PIKFYVE: variants seen among roughly 807,000 people sequenced by gnomAD.
PIKFYVE encodes 1-phosphatidylinositol 3-phosphate 5-kinase.
Under a neutral mutation model 257.9 loss-of-function variants are expected in PIKFYVE, and 122 were observed. The ratio of observed to expected loss-of-function variants is 0.47; its 90% CI spans 0.41 to 0.55. The LOEUF (loss-of-function observed/expected upper bound fraction) is 0.55. PIKFYVE is among the 20% of genes least tolerant of loss of function. The pLI, the probability that PIKFYVE is intolerant of heterozygous loss-of-function variation, is 0.00. For synonymous variants in PIKFYVE, 892 were observed against 868.9 expected, an observed-to-expected ratio of 1.03 and a Z score of -0.47; for missense variants, 2,160 against 2,536.6, an observed-to-expected ratio of 0.85 and a Z score of 3.19.
In PIKFYVE at chr2:208,356,872, A is replaced by G. The variant is rs1394407555; in HGVS notation, c.*1567A>G. ...CACTGTTTTTGGACTGCCTATAATA[A>G]TAGCACATTAACCTTCACATAATAA... On this transcript the variant is annotated 3_prime_UTR_variant, in exon 42 of 42. Transcript: ENST00000264380. The G allele has an allele frequency of 6.5e-6, 1 of 152,672 alleles. No individual in the cohort carries two copies. The highest frequency in any genetic ancestry group is 1.5e-5 in the Non-Finnish European group (1 of 68,046). The allele number at this position is 152,672 out of a possible 1,614,324, so 9.5% of individuals were successfully genotyped here.
Position 208,325,508 on chromosome 2 carries a change from G to C in PIKFYVE, c.2697G>C (p.Glu899Asp). The change falls in exon 20 of 42, where the codon GAG becomes GAC. Residue 899 changes from glutamate to aspartate, a missense_variant. This residue lies in a region of PIKFYVE where 522 missense variants were observed against 514.6 expected (regional missense o/e 1.01). Transcript: ENST00000264380. ...FHSLIEGRGH[E>D]GAVQEQYGGG... ...CCCTGATTGAGGGACGAGGGCATGAGGGGGCTGTCCAAGAGCAGTACGGTG... is the reference window on the plus strand; with the variant it reads ...CCCTGATTGAGGGACGAGGGCATGACGGGGCTGTCCAAGAGCAGTACGGTG... 6.2e-7 allele frequency: 1 copy of C among 1,614,190 alleles called. No homozygotes were observed. Among genetic ancestry groups the C allele is most frequent in the Non-Finnish European group, 8.5e-7 (1 of 1,180,018 alleles).
At chr2:208,345,846 C>G (rs1699174963) in intron 33 of PIKFYVE, among the ~76,000 whole-genome samples, 1 of 152,074 alleles carries the variant, frequency 6.6e-6, no homozygotes, top group African/African-American at 2.4e-5. Flanking sequence ...TACAGCATTT[C>G]ACTTTAAGTC....
intron 36 of PIKFYVE, among the ~76,000 whole-genome samples, chr2:208,350,515 CT>C (rs773068355): frequency 1.4e-4 from 21 of 151,660 alleles, no homozygotes; most frequent in Non-Finnish European, 2.5e-4. Context: ...AGAACTGAGT[CT>C]TTTTTTTATG....
chr2:208,309,617 G>A (rs902288383), intron 12 of PIKFYVE, among the ~76,000 whole-genome samples: 4 of 152,164 alleles, frequency 2.6e-5, no homozygotes, highest in East Asian at 1.9e-4. Flanking sequence ...GAAAAAAGAC[G>A]TGGTGTTTCC....
chr2:208,326,400 A>T lies in PIKFYVE; in HGVS notation c.3589A>T (p.Ile1197Phe). The change falls in exon 20 of 42, where the codon ATT (isoleucine) becomes TTT (phenylalanine). Residue 1197 changes from isoleucine to phenylalanine, a missense_variant. By Grantham distance (21) the Ile-to-Phe change is conservative. Coordinates refer to ENST00000264380, the MANE Select transcript of PIKFYVE (RefSeq NM_015040.4). ...TGAGGGTGATGAAGAGAGAGGGCTT[A>T]TTCTGAGTGATGCTGTGTGGTCAAC... ...KNEGDEERGL[I>F]LSDAVWSTKV... 1 of 1,614,106 alleles carries T rather than the reference A, an allele frequency of 6.2e-7. No homozygotes were observed.
chr2:208,345,159 G>A lies in PIKFYVE; in HGVS notation c.5076G>A (p.Gln1692=). Residue 1692 remains glutamine, a synonymous_variant, in exon 33 of 42, where the codon CAG becomes CAA. Coordinates refer to ENST00000264380, the MANE Select transcript of PIKFYVE (RefSeq NM_015040.4). ...NALEELSKAT[Q]WNSAEEGLPT... Reference sequence around the variant, plus strand: ...TAGAGGAATTGTCTAAAGCGACTCAGTGGAACAGTGCCGAAGAAGGGCTTC... The same window carrying A: ...TAGAGGAATTGTCTAAAGCGACTCAATGGAACAGTGCCGAAGAAGGGCTTC... 2 of 1,613,004 alleles carry A rather than the reference G, an allele frequency of 1.2e-6. No individual in the cohort carries two copies. The highest frequency in any genetic ancestry group is 1.7e-6 in the Non-Finnish European group (2 of 1,179,098).
rs772548926 is a variant in PIKFYVE at position 208,315,351 on chromosome 2, G to A, written c.1985G>A (p.Arg662His). The change falls in exon 15 of 42, where the codon CGT becomes CAT. Residue 662 changes from arginine (R) to histidine (H), a missense_variant. This residue lies in a region of PIKFYVE where 346 missense variants were observed against 365.6 expected (regional missense o/e 0.95). Coordinates refer to ENST00000264380, the MANE Select transcript of PIKFYVE (RefSeq NM_015040.4). ...AACCAGGATGATGACATGGATATCCGTCAGTTTGTCCACATCAAAAAAGTG... is the reference window on the plus strand; with the variant it reads ...AACCAGGATGATGACATGGATATCCATCAGTTTGTCCACATCAAAAAAGTG... Reference protein sequence around the residue: ...VKNQDDDMDIRQFVHIKKIPG... With the variant: ...VKNQDDDMDIHQFVHIKKIPG... 12 of 1,613,992 alleles carry A rather than the reference G, an allele frequency of 7.4e-6. No homozygotes were observed. The highest frequency in any genetic ancestry group is 2.7e-5 in the African/African-American group (2 of 74,916).
Position 208,351,210 on chromosome 2 carries a change from T to C in PIKFYVE, c.5612-142T>C, listed in dbSNP as rs936228491. Reference sequence around the variant, plus strand: ...CTTCAGTTAATTGAGAATTGTGTTCTGATCAAAATTTTCACTGTGACATTA... The same window carrying C: ...CTTCAGTTAATTGAGAATTGTGTTCCGATCAAAATTTTCACTGTGACATTA... On this transcript the variant is annotated intron_variant, in intron 37 of 41. Transcript: ENST00000264380. 38 of 866,932 alleles carry C rather than the reference T, an allele frequency of 4.4e-5. No individual in the cohort carries two copies. The Admixed American group carries it at 4.8e-4, about 11-fold the overall frequency. 53.7% of individuals were successfully genotyped at this position (866,932 alleles called of 1,614,324 possible).
rs772580245 is a variant in PIKFYVE, at chr2:208,271,580, C to G, written c.61C>G (p.Pro21Ala). 33 of 1,614,008 alleles carry G rather than the reference C, an allele frequency of 2.0e-5. No homozygotes were observed. In the East Asian group the frequency reaches 7.1e-4, roughly 35 times the overall value. ...CTCTGCTAATGATTTGCCTCGATCT[C>G]CTACTAGTCCTTCTCATCTCACACA... is the stretch of plus-strand genomic sequence containing the variant. ...LDSANDLPRSPTSPSHLTHFK... is the reference protein window; with the variant it reads ...LDSANDLPRSATSPSHLTHFK... Residue 21 changes from proline (P) to alanine (A), a missense_variant, in exon 2 of 42, where the codon CCT becomes GCT. Transcript: ENST00000264380.
In PIKFYVE at chr2:208,339,164, G is replaced by A. The variant is rs530589143; in HGVS notation, c.4673-254G>A. ...TAGGCATTGTGGTATAATGGATAGC[G>A]TGTTGGATAGGAGTCAGTCTTGGTT... On this transcript the variant is annotated intron_variant, in intron 29 of 41. Transcript: ENST00000264380. 3.3e-5 allele frequency among the ~76,000 whole-genome samples: 5 copies of A among 152,300 alleles called. No homozygotes were observed. The South Asian group carries it at 1.0e-3, about 32-fold the overall frequency.
In PIKFYVE at chr2:208,355,405, C is replaced by A; in HGVS notation, c.*100C>A. On this transcript the variant is annotated 3_prime_UTR_variant, in exon 42 of 42. Coordinates refer to ENST00000264380, the MANE Select transcript of PIKFYVE (RefSeq NM_015040.4). Reference sequence around the variant, plus strand: ...TTTTATTTCTTCATCGTGTTCACCACTGTATGCCAAGGCTTTTCAGTTCTG... The same window carrying A: ...TTTTATTTCTTCATCGTGTTCACCAATGTATGCCAAGGCTTTTCAGTTCTG... The A allele has an allele frequency of 1.1e-6, 1 of 910,186 alleles. No individual in the cohort carries two copies. Among genetic ancestry groups the A allele is most frequent in the Non-Finnish European group, 1.7e-6 (1 of 571,478 alleles). 56.4% of individuals were successfully genotyped at this position (910,186 alleles called of 1,614,324 possible). A position where few individuals can be genotyped will look rare whatever the true frequency, so the allele number is the denominator to read the frequency against.
intron 16 of PIKFYVE, among the ~76,000 whole-genome samples, chr2:208,318,410 G>T (rs879433733): frequency 6.6e-6 from 1 of 152,128 alleles, no homozygotes; most frequent in Non-Finnish European, 1.5e-5. Context: ...ATAACCTGGG[G>T]TATTAAGGAG....
intron 39 of PIKFYVE, 151 bp from the exon 40 acceptor site, chr2:208,353,747 T>C: frequency 1.1e-6 from 1 of 910,136 alleles, no homozygotes; most frequent in Non-Finnish European, 1.7e-6. Context: ...GTTTAAAAAC[T>C]TAAAAATTAT....
intron 41 of PIKFYVE, 67 bp downstream of exon 41, chr2:208,354,712 A>G (rs2125839039): frequency 8.1e-7 from 1 of 1,238,690 alleles, no homozygotes; most frequent in East Asian, 2.3e-5. Context: ...TTAAAAGTGG[A>G]TACTGATTCT....
intron 21 of PIKFYVE, 88 bp downstream of exon 21, chr2:208,328,368 G>A: frequency 1.3e-6 from 2 of 1,525,810 alleles, no homozygotes; most frequent in South Asian, 1.1e-5. Context: ...CAGTCATTAG[G>A]ACCTGTATTT....
At chr2:208,322,741 CA>C (rs1329348392) in intron 17 of PIKFYVE, among the ~76,000 whole-genome samples, 1 of 151,558 alleles carries the variant, frequency 6.6e-6, no homozygotes, top group Non-Finnish European at 1.5e-5. Context: ...TACATGTGCA[CA>C]ATGTGCAGGT....
intron 27 of PIKFYVE, 136 bp downstream of exon 27, chr2:208,336,336 T>C (rs1480734058): frequency 6.4e-6 from 6 of 940,962 alleles, no homozygotes; most frequent in Non-Finnish European, 1.6e-6. Context: ...TTCCTGTCAC[T>C]CTCCTTTCCT....
At chr2:208,286,762 C>T (rs1052702938) in intron 6 of PIKFYVE, among the ~76,000 whole-genome samples, 1 of 151,770 alleles carries the variant, frequency 6.6e-6, no homozygotes, top group African/African-American at 2.4e-5. Context: ...TCAAGCGATC[C>T]TCCCACCTCA....
rs753695767 is a variant in PIKFYVE, at chr2:208,326,082, C to T, written c.3271C>T (p.Leu1091Phe). 1.2e-6 allele frequency: 2 copies of T among 1,613,958 alleles called. No individual in the cohort carries two copies. The highest frequency in any genetic ancestry group is 1.7e-5 in the Admixed American group (1 of 59,986). ...AGAGCAGGTTTACTGGTCTCCTCTC[C>T]TCAATAAAGAATTCAAAGAAATGGA... ...FAEQVYWSPLLNKEFKEMENR... is the reference protein window; with the variant it reads ...FAEQVYWSPLFNKEFKEMENR... Residue 1091 changes from leucine to phenylalanine, a missense_variant, in exon 20 of 42, where the codon CTC becomes TTC. Leu to Phe is a conservative substitution (Grantham distance 22). Coordinates refer to ENST00000264380, the MANE Select transcript of PIKFYVE (RefSeq NM_015040.4).
Sources: allele counts gnomAD v4.1 joint callset (sites outside exome capture counted in the v4.1 genomes callset), GRCh38; gene constraint gnomAD v4.1.1; regional missense constraint gnomAD v4.1.1; transcripts MANE v1.5; gene names NCBI Gene and HGNC (gene_info 2026-07-23, HGNC 2026-07-21).